NLRP12: variants seen among roughly 807,000 people sequenced by gnomAD.
NLRP12 encodes NACHT, LRR and PYD domains-containing protein 12.
In NLRP12, 108 loss-of-function variants were observed where a neutral mutation model predicts 91.2. The observed-to-expected ratio is 1.18, with a 90% CI of 1.01 to 1.39. The LOEUF is 1.39. NLRP12 is among the 40% of genes most tolerant of loss of function. The pLI is 0.00. For missense variants in NLRP12, 1,530 were observed against 1,352.7 expected (o/e 1.13, Z -2.06); for synonymous variants, 613 against 566.7 (o/e 1.08, Z -1.16).
At chr19:53,817,929 T>C (rs996519111) in intron 1 of NLRP12, among the ~76,000 whole-genome samples, 7 of 151,230 alleles carry the variant, frequency 4.6e-5, no homozygotes, top group African/African-American at 1.7e-4. Context: ...ATTACAGGCA[T>C]GTACAACCAC....
intron 4 of NLRP12, 64 bp downstream of exon 4, chr19:53,807,431 G>A: frequency 4.7e-6 from 7 of 1,503,198 alleles, no homozygotes; most frequent in Non-Finnish European, 5.5e-6. Context: ...GAACCTTTGT[G>A]ACTGATCCCC....
intron 1 of NLRP12, among the ~76,000 whole-genome samples, chr19:53,822,819 G>A (rs1432190131): frequency 6.6e-6 from 1 of 150,950 alleles, no homozygotes; most frequent in Non-Finnish European, 1.5e-5. Context: ...CCAGCCTGGA[G>A]TACAGTGGTG....
In NLRP12 at chr19:53,809,583, T is replaced by G; in HGVS notation, c.2072+4A>C. 6.3e-7 allele frequency: 1 copy of G among 1,597,312 alleles called. No individual in the cohort carries two copies. Among genetic ancestry groups the G allele is most frequent in the Non-Finnish European group, 8.5e-7 (1 of 1,170,776 alleles). ...GCCCCAGGGGATACCCCAGGGATAC[T>G]TACAGCTGCACCAACAGCGTGTGCG... On this transcript the variant is annotated splice_donor_region_variant and intron_variant, in intron 3 of 9. Transcript: ENST00000324134.
intron 1 of NLRP12, among the ~76,000 whole-genome samples, chr19:53,818,805 G>C (rs1412900599): frequency 6.6e-6 from 1 of 152,180 alleles, no homozygotes; most frequent in East Asian, 1.9e-4. Flanking sequence ...TGTTGCCTAA[G>C]ACCTGCTGAT....
rs756794505 is a variant in NLRP12 at position 53,807,668 on chromosome 19, G to T, written c.2073-3C>A. On this transcript the variant is annotated splice_region_variant and splice_polypyrimidine_tract_variant and intron_variant, in intron 3 of 9. Coordinates refer to ENST00000324134, the MANE Select transcript of NLRP12 (RefSeq NM_144687.4). ...CCAGCAGAACGGTCCTCTCTGGTCT[G>T]CTTGAAGGAAAGACAGGCCACTCTC... 2.4e-5 allele frequency: 39 copies of T among 1,613,998 alleles called. No individual in the cohort carries two copies. In the East Asian group the frequency reaches 8.7e-4, roughly 36 times the overall value.
chr19:53,807,618 G>A lies in NLRP12; in HGVS notation c.2120C>T (p.Ala707Val), dbSNP rs202169378. The A allele has an allele frequency of 2.6e-5, 42 of 1,614,018 alleles. No individual in the cohort carries two copies. Among genetic ancestry groups the A allele is most frequent in the African/African-American group, 5.3e-5 (4 of 74,924 alleles). The stretch of plus-strand genomic sequence containing the variant: ...CAGGTTTGGATTGGTGCACAGGGCC[G>A]CTGCCAGATGTTCACTGTAGGCGTC... The part of the protein sequence containing the change: ...LLDAYSEHLA[A>V]ALCTNPNLIE... The change falls in exon 4 of 10, where the codon GCG becomes GTG. Residue 707 changes from alanine to valine, a missense_variant. Transcript: ENST00000324134.
intron 2 of NLRP12, among the ~76,000 whole-genome samples, chr19:53,813,327 G>A (rs2092109572): frequency 1.0e-5 from 1 of 95,700 alleles, no homozygotes; most frequent in African/African-American, 4.4e-5. Context: ...TTTTGAGACA[G>A]AGTCTTGCTC....
chr19:53,802,974 C>A (rs1263813051), intron 6 of NLRP12, among the ~76,000 whole-genome samples: 2 of 152,012 alleles, frequency 1.3e-5, no homozygotes, highest in Non-Finnish European at 2.9e-5. Context: ...CTCTTGAGCT[C>A]CTGCACTCAA....
At chr19:53,805,170 G>C (rs1354173069) in intron 5 of NLRP12, 110 bp downstream of exon 5, 1 of 1,200,638 alleles carries the variant, frequency 8.3e-7, no homozygotes, top group Non-Finnish European at 1.2e-6. Flanking sequence ...TGGGGTTAAG[G>C]GCCAGCCCTG....
At chr19:53,814,721 C>T (rs1243630270) in intron 2 of NLRP12, among the ~76,000 whole-genome samples, 187 bp downstream of exon 2, 3 of 152,160 alleles carry the variant, frequency 2.0e-5, no homozygotes. Context: ...GGAGATGACA[C>T]GTGTCAGGAC....
At position 53,796,047 on chromosome 19, in the gene NLRP12, T is replaced by C. The variant is rs199524599; in HGVS notation, c.2928-18A>G. 77 of 1,612,954 alleles carry C rather than the reference T, an allele frequency of 4.8e-5. No individual in the cohort carries two copies. Among genetic ancestry groups the C allele is most frequent in the Middle Eastern group, 1.6e-4 (1 of 6,082 alleles). ...TATCCAGCCTGGTGAAGATAAGGAG[T>C]TGGTTAAGGTAACACCAGGGGCTAC... On this transcript the variant is annotated intron_variant, in intron 8 of 9. Coordinates refer to ENST00000324134, the MANE Select transcript of NLRP12 (RefSeq NM_144687.4).
intron 9 of NLRP12, among the ~76,000 whole-genome samples, chr19:53,795,198 T>C (rs889233770): frequency 1.3e-5 from 2 of 151,114 alleles, no homozygotes; most frequent in Admixed American, 6.6e-5. Flanking sequence ...CGCCATCCCC[T>C]GCACCCAGCC....
At chr19:53,815,886 A>G (rs375789673) in intron 1 of NLRP12, among the ~76,000 whole-genome samples, 7 of 151,844 alleles carry the variant, frequency 4.6e-5, no homozygotes, top group East Asian at 3.9e-4. Flanking sequence ...CTGGGATTAC[A>G]GGCGTGAGCC....
chr19:53,794,829 G>C (rs1208267057), intron 9 of NLRP12, among the ~76,000 whole-genome samples: 1 of 151,744 alleles, frequency 6.6e-6, no homozygotes, highest in Admixed American at 6.6e-5. Context: ...ACCATGCCTG[G>C]CTAATTTTTG....
chr19:53,817,814 A>G (rs2092185569), intron 1 of NLRP12, among the ~76,000 whole-genome samples: 1 of 151,950 alleles, frequency 6.6e-6, no homozygotes, highest in Admixed American at 6.6e-5. Context: ...TATTTATGAG[A>G]CAGAGTCTCA....
At chr19:53,811,640 C>G (rs1026546856) in intron 2 of NLRP12, among the ~76,000 whole-genome samples, 65 of 150,858 alleles carry the variant, frequency 4.3e-4, no homozygotes, top group African/African-American at 1.6e-3. Flanking sequence ...ATGGTGTGCT[C>G]CCTGCAACAT....
intron 2 of NLRP12, among the ~76,000 whole-genome samples, chr19:53,814,435 C>G (rs1005724884): frequency 2.0e-5 from 3 of 152,132 alleles, no homozygotes; most frequent in African/African-American, 7.2e-5. Flanking sequence ...TCACTGCAAC[C>G]TCTACCTCCC....
chr19:53,813,853 A>G (rs1278665388), intron 2 of NLRP12, among the ~76,000 whole-genome samples: 7 of 149,900 alleles, frequency 4.7e-5, no homozygotes, highest in Non-Finnish European at 1.0e-4. Context: ...ATGCCCAGCT[A>G]ATGTTCGATT....
At chr19:53,798,511 G>C in intron 7 of NLRP12, 98 bp from the exon 8 acceptor site, 1 of 1,198,898 alleles carries the variant, frequency 8.3e-7, no homozygotes, top group Non-Finnish European at 1.2e-6. Flanking sequence ...TGCAGACAGA[G>C]GGACAGACTC....
Sources: gnomAD v4.1 joint callset for allele counts (sites outside exome capture counted in the v4.1 genomes callset) on GRCh38, gnomAD v4.1.1 for gene constraint, MANE v1.5 for transcripts, NCBI Gene and HGNC (gene_info 2026-07-23, HGNC 2026-07-21) for gene names.